Variants in NKAIN2 observed in about 807,000 individuals in gnomAD.
NKAIN2 encodes sodium/potassium-transporting ATPase subunit beta-1-interacting protein 2.
In NKAIN2, 14 loss-of-function variants were observed where a neutral mutation model predicts 32.6. The ratio of observed to expected loss-of-function variants is 0.43; its 90% CI spans 0.28 to 0.67. NKAIN2 has a LOEUF of 0.67. Among genes scored for constraint, NKAIN2 ranks in the 30% least tolerant of loss-of-function variants. NKAIN2 has a pLI of 0.17. For synonymous variants in NKAIN2, 80 were observed against 87.2 expected, an observed-to-expected ratio of 0.92 and a Z score of 0.46; for missense variants, 198 against 258.3, an observed-to-expected ratio of 0.77 and a Z score of 1.60.
rs930168530 is a variant in NKAIN2 at position 124,201,304 on chromosome 6, C to T, written c.55-81701C>T. Reference sequence around the variant, plus strand: ...TAGAAACATAATTAAAATAAATATGCATTAATGGTTCTCTTTAAATATAGT... The same window carrying T: ...TAGAAACATAATTAAAATAAATATGTATTAATGGTTCTCTTTAAATATAGT... On this transcript the variant is annotated intron_variant, in intron 1 of 6. Coordinates refer to ENST00000368417, the MANE Select transcript of NKAIN2 (RefSeq NM_001040214.3). Among the ~76,000 whole-genome samples, 18 of 151,988 alleles carry T rather than the reference C, an allele frequency of 1.2e-4. 1 individual carries two copies. In the South Asian group the frequency reaches 1.2e-3, roughly 11 times the overall value.
chr6:124,555,971 C>A (rs571540653), intron 3 of NKAIN2, among the ~76,000 whole-genome samples: 1 of 151,656 alleles, frequency 6.6e-6, no homozygotes, highest in South Asian at 2.1e-4. Context: ...TTAGTTTAAC[C>A]TTTACTGAGT....
At chr6:124,476,179 T>C (rs1285944094) in intron 3 of NKAIN2, among the ~76,000 whole-genome samples, 2 of 151,392 alleles carry the variant, frequency 1.3e-5, no homozygotes, top group South Asian at 2.1e-4. Flanking sequence ...CCCTTCCTAA[T>C]TGGCAAAATA....
At chr6:124,309,560 G>A (rs541307661) in intron 2 of NKAIN2, among the ~76,000 whole-genome samples, 1 of 151,956 alleles carries the variant, frequency 6.6e-6, no homozygotes, top group East Asian at 1.9e-4. Flanking sequence ...GCTTAATTTA[G>A]CATATTATTT....
At chr6:124,641,317 A>G (rs985823029) in intron 3 of NKAIN2, among the ~76,000 whole-genome samples, 2 of 152,302 alleles carry the variant, frequency 1.3e-5, no homozygotes, top group Middle Eastern at 3.4e-3. Context: ...GACAGACAAC[A>G]TAAAACATTT....
intron 1 of NKAIN2, among the ~76,000 whole-genome samples, chr6:124,096,129 T>G (rs1784636408): frequency 6.6e-6 from 1 of 152,198 alleles, no homozygotes; most frequent in Non-Finnish European, 1.5e-5. Context: ...TACTTGCTGC[T>G]CTGTTTGATT....
At chr6:124,160,047 G>C (rs1188054492) in intron 1 of NKAIN2, among the ~76,000 whole-genome samples, 1 of 152,170 alleles carries the variant, frequency 6.6e-6, no homozygotes, top group African/African-American at 2.4e-5. Context: ...AATGCCAGTT[G>C]TTTGGCAGAT....
intron 1 of NKAIN2, among the ~76,000 whole-genome samples, chr6:123,885,725 C>T (rs1773681007): frequency 1.3e-5 from 2 of 152,008 alleles, no homozygotes; most frequent in Non-Finnish European, 2.9e-5. Flanking sequence ...ATTGTCCTCA[C>T]ATTGATTTTC....
chr6:124,694,861 A>G (rs910413666), intron 4 of NKAIN2, among the ~76,000 whole-genome samples: 2 of 152,216 alleles, frequency 1.3e-5, no homozygotes, highest in Admixed American at 1.3e-4. Context: ...GTCAGCTAAG[A>G]GTGCCAGTAA....
At chr6:123,970,217 G>T (rs1306046747) in intron 1 of NKAIN2, among the ~76,000 whole-genome samples, 1 of 152,096 alleles carries the variant, frequency 6.6e-6, no homozygotes, top group Non-Finnish European at 1.5e-5. Flanking sequence ...TAATAGGGAA[G>T]AGGAACAAAA....
rs1462045159 is a variant in NKAIN2, at chr6:124,392,773, A to C, written c.273+37426A>C. Among the ~76,000 whole-genome samples the C allele has an allele frequency of 2.0e-5, 3 of 152,342 alleles. No individual in the cohort carries two copies. The East Asian group carries it at 5.8e-4, about 29-fold the overall frequency. On this transcript the variant is annotated intron_variant, in intron 3 of 6. Coordinates refer to ENST00000368417, the MANE Select transcript of NKAIN2 (RefSeq NM_001040214.3). ...TGCATTTGACAGCAATGCCAGAAAT[A>C]TAAATTTTATAAATAATTCAGTGAA...
chr6:124,380,577 C>A (rs77343107), intron 3 of NKAIN2, among the ~76,000 whole-genome samples: 1 of 152,050 alleles, frequency 6.6e-6, no homozygotes, highest in Non-Finnish European at 1.5e-5. Flanking sequence ...AAGCCAGGAT[C>A]TTTGGATCAT....
rs78385866 is a variant in NKAIN2, at chr6:124,633,862, A to C, written c.274-24324A>C. Among the ~76,000 whole-genome samples the C allele has an allele frequency of 4.7e-3, 723 of 152,306 alleles. 2 individuals carry two copies. Among genetic ancestry groups the C allele is most frequent in the Non-Finnish European group, 7.0e-3 (478 of 68,030 alleles). ...CTTCCTCCACTGGTAGAGTCACTGC[A>C]CAACCATGCATGTGCCTCAGGCTCT... On this transcript the variant is annotated intron_variant, in intron 3 of 6. Coordinates refer to ENST00000368417, the MANE Select transcript of NKAIN2 (RefSeq NM_001040214.3).
At chr6:124,676,681 C>T (rs186128477) in intron 4 of NKAIN2, among the ~76,000 whole-genome samples, 169 of 152,238 alleles carry the variant, frequency 1.1e-3, no homozygotes, top group Non-Finnish European at 2.0e-3. Context: ...CTTACTGCAG[C>T]CTCAAAATCG....
At chr6:124,419,775 G>A (rs1774664030) in intron 3 of NKAIN2, among the ~76,000 whole-genome samples, 2 of 151,924 alleles carry the variant, frequency 1.3e-5, no homozygotes, top group Non-Finnish European at 2.9e-5. Context: ...TATATGTCAT[G>A]GATGAGTTTT....
At chr6:124,043,319 G>A (rs1035905766) in intron 1 of NKAIN2, among the ~76,000 whole-genome samples, 1 of 152,000 alleles carries the variant, frequency 6.6e-6, no homozygotes, top group African/African-American at 2.4e-5. Context: ...GTATGACAGA[G>A]TGAAACTCTG....
intron 3 of NKAIN2, among the ~76,000 whole-genome samples, chr6:124,363,441 A>G (rs1417860331): frequency 6.6e-6 from 1 of 152,206 alleles, no homozygotes; most frequent in Non-Finnish European, 1.5e-5. Flanking sequence ...ACAAATGTAT[A>G]AATCAGCATA....
At chr6:123,906,930 A>G (rs764708125) in intron 1 of NKAIN2, among the ~76,000 whole-genome samples, 8 of 152,216 alleles carry the variant, frequency 5.3e-5, no homozygotes, top group Non-Finnish European at 1.2e-4. Context: ...TATAACGTTC[A>G]TAACAAATTT....
intron 1 of NKAIN2, among the ~76,000 whole-genome samples, chr6:124,271,809 G>A: frequency 6.6e-6 from 1 of 152,168 alleles, no homozygotes; most frequent in Admixed American, 6.5e-5. Flanking sequence ...AGATGGAGAT[G>A]AGGAACTTAT....
chr6:124,350,285 A>G (rs1236675343), intron 2 of NKAIN2, among the ~76,000 whole-genome samples: 1 of 152,198 alleles, frequency 6.6e-6, no homozygotes, highest in African/African-American at 2.4e-5. Flanking sequence ...TTTTAAGAGC[A>G]GGGTTTATTG....
Sources: allele counts gnomAD v4.1 joint callset (sites outside exome capture counted in the v4.1 genomes callset), GRCh38; gene constraint gnomAD v4.1.1; transcripts MANE v1.5; gene names NCBI Gene and HGNC (gene_info 2026-07-23, HGNC 2026-07-21).